Variants in KCNIP4 observed in about 807,000 individuals in gnomAD.
KCNIP4 encodes the protein potassium voltage-gated channel interacting protein 4.
Under a neutral mutation model 34.0 loss-of-function variants are expected in KCNIP4, and 12 were observed. The observed-to-expected ratio is 0.35, with a 90% CI of 0.23 to 0.57. The LOEUF is 0.57. KCNIP4 is among the 20% of genes least tolerant of loss of function. The pLI, the probability that KCNIP4 is intolerant of heterozygous loss-of-function variation, is 0.83. For synonymous variants in KCNIP4, 124 were observed against 102.2 expected, an observed-to-expected ratio of 1.21 and a Z score of -1.29; for missense variants, 238 against 311.7, an observed-to-expected ratio of 0.76 and a Z score of 1.78.
intron 1 of KCNIP4, among the ~76,000 whole-genome samples, chr4:21,062,157 C>T (rs1002144059): frequency 6.6e-6 from 1 of 152,246 alleles, no homozygotes; most frequent in South Asian, 2.1e-4. Flanking sequence ...CTAATTTTGT[C>T]ATATGTCCTG....
chr4:20,779,930 T>G, intron 3 of KCNIP4, among the ~76,000 whole-genome samples: 1 of 152,204 alleles, frequency 6.6e-6, no homozygotes, highest in East Asian at 1.9e-4. Flanking sequence ...GTGATATTAA[T>G]TTCAGACTTT....
intron 1 of KCNIP4, among the ~76,000 whole-genome samples, chr4:21,353,222 A>T (rs2109381789): frequency 6.6e-6 from 1 of 152,238 alleles, no homozygotes. Context: ...AACTCTAAAA[A>T]CCAGAGCACC....
chr4:20,956,504 C>CAA lies in KCNIP4; in HGVS notation c.62-73797_62-73796dup, dbSNP rs35371161. On this transcript the variant is annotated intron_variant, in intron 1 of 8. Transcript: ENST00000382152. The stretch of plus-strand genomic sequence containing the variant: ...TGGGCGACAGTGCAAGACTTCCTTC[C>CAA]AAAAAAAAAAAGTTTTCTCTTACTT... Among the ~76,000 whole-genome samples, 691 of 148,274 alleles carry CAA rather than the reference C, an allele frequency of 4.7e-3. 12 individuals carry two copies. Among genetic ancestry groups the CAA allele is most frequent in the African/African-American group, 0.015 (623 of 40,482 alleles).
intron 1 of KCNIP4, among the ~76,000 whole-genome samples, chr4:21,068,679 C>T (rs1035841332): frequency 3.3e-5 from 5 of 152,116 alleles, no homozygotes; most frequent in Non-Finnish European, 5.9e-5. Flanking sequence ...CTTTCATGGC[C>T]TCCAAATAGT....
intron 3 of KCNIP4, among the ~76,000 whole-genome samples, chr4:20,787,355 T>C (rs934707255): frequency 1.3e-5 from 2 of 152,198 alleles, no homozygotes; most frequent in African/African-American, 4.8e-5. Flanking sequence ...TTGAGCACTT[T>C]GGAGTTGCTG....
rs528162299 is a variant in KCNIP4, at chr4:20,800,838, G to A, written c.289-41948C>T. Among the ~76,000 whole-genome samples the A allele has an allele frequency of 4.6e-5, 7 of 152,252 alleles. No homozygotes were observed. The South Asian group carries it at 1.4e-3, about 32-fold the overall frequency. ...TTGCATTATGAGATTTTCAGGACAA[G>A]AGATTAAAAAAGGGACAAAAATGCT... is the stretch of plus-strand genomic sequence containing the variant. On this transcript the variant is annotated intron_variant, in intron 3 of 8. Coordinates refer to ENST00000382152, the MANE Select transcript of KCNIP4 (RefSeq NM_025221.6).
At chr4:21,461,706 C>T (rs1238408056) in intron 1 of KCNIP4, among the ~76,000 whole-genome samples, 5 of 151,814 alleles carry the variant, frequency 3.3e-5, no homozygotes, top group African/African-American at 4.8e-5. Flanking sequence ...TACGTGTGTC[C>T]GGGCTGTTCA....
At position 21,194,657 on chromosome 4, in the gene KCNIP4, C is replaced by T. The variant is rs138856111; in HGVS notation, c.62-311948G>A. Among the ~76,000 whole-genome samples the T allele has an allele frequency of 7.1e-3, 1,076 of 152,300 alleles. 5 individuals carry two copies. The highest frequency in any genetic ancestry group is 0.011 in the Non-Finnish European group (779 of 68,034). On this transcript the variant is annotated intron_variant, in intron 1 of 8. Transcript: ENST00000382152. ...GCATAGTCTTTTTCCAAATCTAGCT[C>T]ATGAGACCATCCCACACTACCCCCA... is the stretch of plus-strand genomic sequence containing the variant.
At chr4:21,585,360 C>T (rs568461641) in intron 1 of KCNIP4, among the ~76,000 whole-genome samples, 2 of 152,200 alleles carry the variant, frequency 1.3e-5, no homozygotes, top group African/African-American at 2.4e-5. Flanking sequence ...ATAGAATAAT[C>T]AGGACATTCT....
chr4:20,959,054 A>C (rs548441598), intron 1 of KCNIP4, among the ~76,000 whole-genome samples: 12 of 152,330 alleles, frequency 7.9e-5, no homozygotes, highest in African/African-American at 2.9e-4. Context: ...CAGATGGAAA[A>C]GGTTCCATTT....
At chr4:21,396,636 T>C (rs1456150103) in intron 1 of KCNIP4, among the ~76,000 whole-genome samples, 1 of 150,416 alleles carries the variant, frequency 6.6e-6, no homozygotes, top group Non-Finnish European at 1.5e-5. Context: ...AGGATGGAAC[T>C]AGGTCTTGTC....
In KCNIP4 at chr4:21,392,300, GCTAA is replaced by G. The variant is rs372411608; in HGVS notation, c.62-509595_62-509592del. The stretch of plus-strand genomic sequence containing the variant: ...GATAATTTTTGTCTTGATTGTGTGA[GCTAA>G]CTATTAAGAAGATTATAATTAAGAG... On this transcript the variant is annotated intron_variant, in intron 1 of 8. Coordinates refer to ENST00000382152, the MANE Select transcript of KCNIP4 (RefSeq NM_025221.6). 1.0e-3 allele frequency among the ~76,000 whole-genome samples: 136 copies of G among 134,400 alleles called. 1 individual carries two copies. Among genetic ancestry groups the G allele is most frequent in the Middle Eastern group, 3.8e-3 (1 of 260 alleles). 88.2% of individuals were successfully genotyped at this position (134,400 alleles called of 152,430 possible). A position where few individuals can be genotyped will look rare whatever the true frequency, so the allele number is the denominator to read the frequency against.
chr4:21,110,429 A>G (rs79746971), intron 1 of KCNIP4, among the ~76,000 whole-genome samples: 21,698 of 152,242 alleles, frequency 0.14, 1,753 homozygotes, highest in East Asian at 0.23. Context: ...AAAAATACTG[A>G]GAGAATTAAG....
chr4:20,735,137 G>T (rs1279175583), intron 5 of KCNIP4, among the ~76,000 whole-genome samples: 1 of 152,186 alleles, frequency 6.6e-6, no homozygotes. Flanking sequence ...AATAAGAAAT[G>T]TGGCTGTCCA....
intron 3 of KCNIP4, among the ~76,000 whole-genome samples, chr4:20,846,427 G>C (rs1186950846): frequency 2.6e-5 from 4 of 152,150 alleles, no homozygotes; most frequent in Non-Finnish European, 5.9e-5. Context: ...AACTGGTTTC[G>C]AAAGAGTGCA....
chr4:21,503,858 G>T (rs1419383118), intron 1 of KCNIP4, among the ~76,000 whole-genome samples: 2 of 152,180 alleles, frequency 1.3e-5, no homozygotes, highest in Non-Finnish European at 2.9e-5. Flanking sequence ...GTTGGTGTTT[G>T]CTAACAGAGA....
rs573804105 is a variant in KCNIP4, at chr4:21,355,478, C to T, written c.62-472769G>A. Reference sequence around the variant, plus strand: ...AAAATGATAAAGGGGATATCACCACCGATCCCACAGAAATACAAAATACCA... The same window carrying T: ...AAAATGATAAAGGGGATATCACCACTGATCCCACAGAAATACAAAATACCA... On this transcript the variant is annotated intron_variant, in intron 1 of 8. Coordinates refer to ENST00000382152, the MANE Select transcript of KCNIP4 (RefSeq NM_025221.6). 4.6e-5 allele frequency among the ~76,000 whole-genome samples: 7 copies of T among 152,108 alleles called. No individual in the cohort carries two copies. The East Asian group carries it at 7.7e-4, about 17-fold the overall frequency.
chr4:21,190,717 G>T (rs986646773), intron 1 of KCNIP4, among the ~76,000 whole-genome samples: 1 of 151,384 alleles, frequency 6.6e-6, no homozygotes, highest in African/African-American at 2.4e-5. Flanking sequence ...TCTTAAAAAA[G>T]GAATTAAAAA....
At chr4:21,400,541 T>TTCTC (rs1458438719) in intron 1 of KCNIP4, among the ~76,000 whole-genome samples, 1 of 101,534 alleles carries the variant, frequency 9.8e-6, no homozygotes, top group African/African-American at 4.5e-5. Context: ...TTCTCTTCTC[T>TTCTC]TCTCTTCTCT....
Sources: allele counts gnomAD v4.1 joint callset (sites outside exome capture counted in the v4.1 genomes callset), GRCh38; gene constraint gnomAD v4.1.1; transcripts MANE v1.5; gene names NCBI Gene and HGNC (gene_info 2026-07-23, HGNC 2026-07-21).